Variants in GLMP observed in about 807,000 individuals in gnomAD.
GLMP encodes kidney lysosomal membrane protein.
GLMP carries 36 observed loss-of-function variants against 39.2 expected under a neutral mutation model. The observed-to-expected ratio is 0.92, with a 90% confidence interval of 0.70 to 1.21. The LOEUF is 1.21. Ranked by LOEUF, GLMP falls within the 50% of genes most tolerant of loss-of-function variation. The probability of loss-of-function intolerance (pLI) is 0.00; values close to 1 mark genes in which losing one functional copy is unlikely to be tolerated. For missense variants in GLMP, 454 were observed against 505.6 expected, an observed-to-expected ratio of 0.90 and a Z score of 0.98; for synonymous variants, 220 against 218.9, an observed-to-expected ratio of 1.01 and a Z score of -0.04.
In GLMP at chr1:156,292,879, G is replaced by T; in HGVS notation, c.*165C>A. The T allele has an allele frequency of 2.3e-6, 2 of 860,546 alleles. No individual in the cohort carries two copies. Among genetic ancestry groups the T allele is most frequent in the Non-Finnish European group, 1.8e-6 (1 of 565,526 alleles). 53.3% of individuals were successfully genotyped at this position (860,546 alleles called of 1,614,324 possible). Reference sequence around the variant, plus strand: ...AGTCCCCCAACAAAGTATGAAGGAAGCCCCACCTGGGGGTCTCCAGGAAGT... The same window carrying T: ...AGTCCCCCAACAAAGTATGAAGGAATCCCCACCTGGGGGTCTCCAGGAAGT... On this transcript the variant is annotated 3_prime_UTR_variant, in exon 6 of 6. Transcript: ENST00000362007.
In GLMP at chr1:156,295,592, G is replaced by A. The variant is rs761143238; in HGVS notation, c.54C>T (p.Pro18=). 23 of 1,551,050 alleles carry A rather than the reference G, an allele frequency of 1.5e-5. No individual in the cohort carries two copies. The highest frequency in any genetic ancestry group is 2.0e-5 in the Non-Finnish European group (23 of 1,149,718). The change falls in exon 1 of 6, where the codon CCC becomes CCT. Residue 18 remains proline, a synonymous_variant. Coordinates refer to ENST00000362007, the MANE Select transcript of GLMP (RefSeq NM_144580.3). ...TWGWGHCAPS[P]LLLWTLLLFA... is the part of the protein sequence containing the mutation. ...ACAGAAGTAGAGTCCAAAGGAGCAG[G>A]GGGCTGGGGGCACAGTGCCCCCAAC... is the stretch of plus-strand genomic sequence containing the variant.
chr1:156,293,453 C>G lies in GLMP; in HGVS notation c.922G>C (p.Ala308Pro). ...LPCQASPLHPALAYSLPQSPI... is the reference protein window; with the variant it reads ...LPCQASPLHPPLAYSLPQSPI... ...GACTGGGGAAGAGAGTATGCTAAGG[C>G]AGGATGAAGAGGGGAAGCTTGGCAG... The change falls in exon 5 of 6, where the codon GCC (alanine) becomes CCC (proline). Residue 308 changes from alanine to proline, a missense_variant. Ala to Pro is a conservative substitution (Grantham distance 27). Coordinates refer to ENST00000362007, the MANE Select transcript of GLMP (RefSeq NM_144580.3). 6 of 1,614,172 alleles carry G rather than the reference C, an allele frequency of 3.7e-6. No homozygotes were observed. Among genetic ancestry groups the G allele is most frequent in the Non-Finnish European group, 5.1e-6 (6 of 1,180,014 alleles).
chr1:156,293,218 A>C lies in GLMP; in HGVS notation c.1056-9T>G. The C allele has an allele frequency of 6.2e-7, 1 of 1,611,950 alleles. No individual in the cohort carries two copies. The highest frequency in any genetic ancestry group is 8.5e-7 in the Non-Finnish European group (1 of 1,178,718). On this transcript the variant is annotated splice_polypyrimidine_tract_variant and intron_variant, in intron 5 of 5. Coordinates refer to ENST00000362007, the MANE Select transcript of GLMP (RefSeq NM_144580.3). ...CACCCAGGAGCATCGACCTAGAGCAAGCAGAGAGAGAGAGGTAAGCGGGCT... is the reference window on the plus strand; with the variant it reads ...CACCCAGGAGCATCGACCTAGAGCACGCAGAGAGAGAGAGGTAAGCGGGCT...
chr1:156,293,729 C>CAGAGTTTTTTTACA (rs1558255655), intron 4 of GLMP, 153 bp from the exon 5 acceptor site: 1 of 1,549,092 alleles, frequency 6.5e-7, no homozygotes. Flanking sequence ...ATGGGGAGTT[C>CAGAGTTTTTTTACA]GACTGGGTGA....
In GLMP at chr1:156,293,445, T is replaced by C. The variant is rs1003205872; in HGVS notation, c.930A>G (p.Ala310=). 5.0e-6 allele frequency: 8 copies of C among 1,614,144 alleles called. No homozygotes were observed. Among genetic ancestry groups the C allele is most frequent in the East Asian group, 4.5e-5 (2 of 44,878 alleles). Reference sequence around the variant, plus strand: ...CAATGGGTGACTGGGGAAGAGAGTATGCTAAGGCAGGATGAAGAGGGGAAG... The same window carrying C: ...CAATGGGTGACTGGGGAAGAGAGTACGCTAAGGCAGGATGAAGAGGGGAAG... ...CQASPLHPAL[A]YSLPQSPIVR... Residue 310 remains alanine (A), a synonymous_variant, in exon 5 of 6, where the codon GCA becomes GCG. Transcript: ENST00000362007.
Position 156,293,037 on chromosome 1 carries a change from G to T in GLMP, c.*7C>A, listed in dbSNP as rs551488125. The stretch of plus-strand genomic sequence containing the variant: ...TCAGTAATGTCCTTCCCTCCAGAGA[G>T]CGGGCCTTAATTTATGGACTGGTAC... On this transcript the variant is annotated 3_prime_UTR_variant, in exon 6 of 6. Coordinates refer to ENST00000362007, the MANE Select transcript of GLMP (RefSeq NM_144580.3). 4.0e-5 allele frequency: 64 copies of T among 1,613,902 alleles called. No homozygotes were observed. The highest frequency in any genetic ancestry group is 5.1e-5 in the Non-Finnish European group (60 of 1,179,968).
intron 4 of GLMP, 23 bp from the exon 5 acceptor site, chr1:156,293,599 G>C: frequency 7.4e-6 from 12 of 1,613,716 alleles, no homozygotes; most frequent in Non-Finnish European, 1.0e-5. Context: ...GCAAACAAGG[G>C]AGGGTAAAGA....
intron 2 of GLMP, 70 bp from the exon 3 acceptor site, chr1:156,294,635 C>A (rs757521230): frequency 1.9e-6 from 3 of 1,601,260 alleles, no homozygotes; most frequent in African/African-American, 2.7e-5. Flanking sequence ...CTCCCACTCA[C>A]CCCCTACCAA....
Position 156,294,859 on chromosome 1 carries a change from C to G in GLMP, c.278G>C (p.Ser93Thr). 6.2e-7 allele frequency: 1 copy of G among 1,611,070 alleles called. No individual in the cohort carries two copies. The highest frequency in any genetic ancestry group is 8.5e-7 in the Non-Finnish European group (1 of 1,178,464). Residue 93 changes from serine to threonine, a missense_variant, in exon 2 of 6, where the codon AGC becomes ACC. Coordinates refer to ENST00000362007, the MANE Select transcript of GLMP (RefSeq NM_144580.3). ...GGATAGCAGGAGGCTCCAGTTGACG[C>G]TCAGGGTGCTGTGGGGGGTGTTGGT... ...VATNTPHSTLSVNWSLLLSPE... is the reference protein window; with the variant it reads ...VATNTPHSTLTVNWSLLLSPE...
intron 4 of GLMP, 107 bp downstream of exon 4, chr1:156,293,911 G>A (rs1166577665): frequency 7.2e-6 from 10 of 1,382,870 alleles, no homozygotes; most frequent in East Asian, 2.3e-5. Flanking sequence ...GCTCTTAAAC[G>A]ACCCAAAGAA....
Position 156,292,703 on chromosome 1 carries a change from T to C in GLMP, c.*341A>G. The C allele has an allele frequency of 3.9e-6, 1 of 256,582 alleles. No individual in the cohort carries two copies. The highest frequency in any genetic ancestry group is 7.3e-6 in the Non-Finnish European group (1 of 136,288). 15.9% of individuals were successfully genotyped at this position (256,582 alleles called of 1,614,324 possible). A position where few individuals can be genotyped will look rare whatever the true frequency, so the allele number is the denominator to read the frequency against. ...GAGACTGGAGCCCTGTGAAAAAAAA[T>C]AAATCTATTTTCTTGCCTTCCAGGG... On this transcript the variant is annotated 3_prime_UTR_variant, in exon 6 of 6. Coordinates refer to ENST00000362007, the MANE Select transcript of GLMP (RefSeq NM_144580.3).
chr1:156,293,775 T>C, intron 4 of GLMP, 199 bp from the exon 5 acceptor site: 1 of 1,475,478 alleles, frequency 6.8e-7, no homozygotes, highest in South Asian at 1.2e-5. Flanking sequence ...AAGTCTGGAC[T>C]CAGCCCTCCT....
At chr1:156,294,330 C>T in intron 3 of GLMP, 35 bp downstream of exon 3, 1 of 1,610,868 alleles carries the variant, frequency 6.2e-7, no homozygotes, top group Non-Finnish European at 8.5e-7. Context: ...CACAAATCAG[C>T]CTTTTTGAGC....
At chr1:156,295,129 T>G in intron 1 of GLMP, 113 bp from the exon 2 acceptor site, 2 of 1,040,094 alleles carry the variant, frequency 1.9e-6, no homozygotes, top group South Asian at 1.9e-5. Flanking sequence ...GATGGGATTT[T>G]GGGGACTAGA....
intron 1 of GLMP, 141 bp downstream of exon 1, chr1:156,295,385 C>T (rs1328644301): frequency 1.4e-6 from 2 of 1,410,184 alleles, no homozygotes; most frequent in Non-Finnish European, 9.2e-7. Flanking sequence ...TGACCCATGA[C>T]CATCTCCCAC....
At chr1:156,295,220 G>T in intron 1 of GLMP, 1 of 1,141,546 alleles carries the variant, frequency 8.8e-7, no homozygotes, top group Non-Finnish European at 1.2e-6. Flanking sequence ...AGGGTAGAGG[G>T]TACAGCCAGG....
At chr1:156,294,257 G>A in intron 3 of GLMP, 21 bp from the exon 4 acceptor site, 1 of 1,610,916 alleles carries the variant, frequency 6.2e-7, no homozygotes, top group Non-Finnish European at 8.5e-7. Context: ...AGAAGCATGG[G>A]AGGTGTGGGA....
rs200464618 is a variant in GLMP, at chr1:156,294,125, G to C, written c.691C>G (p.Arg231Gly). The C allele has an allele frequency of 1.2e-6, 2 of 1,614,068 alleles. No homozygotes were observed. Among genetic ancestry groups the C allele is most frequent in the East Asian group, 4.5e-5 (2 of 44,892 alleles). ...ALIGASPRGN[R>G]SLFGLEVATL... ...GCTACCTCCAGCCCAAACAGGGAACGGTTTCCCCGGGGAGAGGCTCCAATC... is the reference window on the plus strand; with the variant it reads ...GCTACCTCCAGCCCAAACAGGGAACCGTTTCCCCGGGGAGAGGCTCCAATC... The change falls in exon 4 of 6, where the codon CGT becomes GGT. Residue 231 changes from arginine to glycine, a missense_variant. Physicochemically the swap from Arg to Gly is moderately radical, Grantham distance 125. Coordinates refer to ENST00000362007, the MANE Select transcript of GLMP (RefSeq NM_144580.3).
rs1283154497 is a variant in GLMP, at chr1:156,294,430, T to C, written c.514A>G (p.Thr172Ala). The C allele has an allele frequency of 5.6e-6, 9 of 1,614,086 alleles. No homozygotes were observed. The highest frequency in any genetic ancestry group is 2.2e-5 in the East Asian group (1 of 44,894). The change falls in exon 3 of 6, where the codon ACA becomes GCA. Residue 172 changes from threonine to alanine, a missense_variant. Thr to Ala is a moderately conservative substitution (Grantham distance 58). Coordinates refer to ENST00000362007, the MANE Select transcript of GLMP (RefSeq NM_144580.3). ...TCGTTCATGGGGTGGCCTTGAAATG[T>C]GGCACTCAGGGTGGCAGGATCCAAT... Reference protein sequence around the residue: ...DSLDPATLSATFQGHPMNDPT... With the variant: ...DSLDPATLSAAFQGHPMNDPT...
Sources: gnomAD v4.1 joint callset for allele counts on GRCh38, gnomAD v4.1.1 for gene constraint, MANE v1.5 for transcripts, NCBI Gene and HGNC (gene_info 2026-07-23, HGNC 2026-07-21) for gene names.